The following UBE3C variants were observed in gnomAD, a reference collection of about 807,000 sequenced individuals.
UBE3C encodes the protein ubiquitin protein ligase E3C.
In UBE3C, 42 loss-of-function variants were observed where a neutral mutation model predicts 129.4. That is an observed-to-expected ratio of 0.32 (90% CI 0.25 to 0.42). UBE3C has a LOEUF of 0.42. Among genes scored for constraint, UBE3C ranks in the 10% least tolerant of loss-of-function variants. The probability of loss-of-function intolerance (pLI) is 1.00; values close to 1 mark genes in which losing one functional copy is unlikely to be tolerated. For missense variants in UBE3C, 1,049 were observed against 1,319.1 expected (o/e 0.80, Z 3.17); for synonymous variants, 510 against 492.4 (o/e 1.04, Z -0.47).
At chr7:157,146,074 T>C (rs2116794896) in intron 1 of UBE3C, among the ~76,000 whole-genome samples, 1 of 152,288 alleles carries the variant, frequency 6.6e-6, no homozygotes, top group East Asian at 1.9e-4. Context: ...CCATTTTGAG[T>C]TAATTTATGT....
rs1338885461 is a variant in UBE3C, at chr7:157,187,029, T to C, written c.1331+8T>C. On this transcript the variant is annotated splice_region_variant and intron_variant, in intron 10 of 22. Coordinates refer to ENST00000348165, the MANE Select transcript of UBE3C (RefSeq NM_014671.3). ...GATGGTACCCAAAGTCAGGCAAGTGTCCGTGGGCGTCTGTGCCAGGGGGTG... is the reference window on the plus strand; with the variant it reads ...GATGGTACCCAAAGTCAGGCAAGTGCCCGTGGGCGTCTGTGCCAGGGGGTG... 1 of 1,587,720 alleles carries C rather than the reference T, an allele frequency of 6.3e-7. No individual in the cohort carries two copies. Among genetic ancestry groups the C allele is most frequent in the South Asian group, 1.1e-5 (1 of 87,762 alleles).
rs112447085 is a variant in UBE3C at position 157,217,396 on chromosome 7, C to T, written c.1914+425C>T. Among the ~76,000 whole-genome samples the T allele has an allele frequency of 5.9e-3, 887 of 150,658 alleles. 12 individuals carry two copies. Among genetic ancestry groups the T allele is most frequent in the African/African-American group, 0.02 (805 of 41,118 alleles). On this transcript the variant is annotated intron_variant, in intron 14 of 22. Coordinates refer to ENST00000348165, the MANE Select transcript of UBE3C (RefSeq NM_014671.3). ...CAAACTCCCAGCCTGAAGTGATCTT[C>T]CTACCTTGGCCTCCCAAAGTGCTGG...
At chr7:157,190,703 G>C (rs1156664361) in intron 10 of UBE3C, among the ~76,000 whole-genome samples, 1 of 152,180 alleles carries the variant, frequency 6.6e-6, no homozygotes, top group African/African-American at 2.4e-5. Flanking sequence ...CTTGAACAGT[G>C]TAGACTCCCT....
chr7:157,197,632 G>A (rs542470713), intron 10 of UBE3C: 95 of 1,607,656 alleles, frequency 5.9e-5, no homozygotes, highest in Middle Eastern at 1.7e-4. Context: ...ACAGTGTTAA[G>A]AATATCTGCT....
At chr7:157,266,779 C>T (rs1797089492) in intron 22 of UBE3C, among the ~76,000 whole-genome samples, 1 of 152,206 alleles carries the variant, frequency 6.6e-6, no homozygotes, top group Non-Finnish European at 1.5e-5. Context: ...GTGTGTTGCC[C>T]AGGCTGGAGT....
intron 15 of UBE3C, chr7:157,222,329 A>G (rs1795759136): frequency 6.6e-6 from 1 of 151,904 alleles, no homozygotes; most frequent in Non-Finnish European, 1.5e-5. Flanking sequence ...TTAAATTTTG[A>G]TAGAATCCCA....
intron 18 of UBE3C, among the ~76,000 whole-genome samples, chr7:157,247,509 T>C (rs1424129036): frequency 1.3e-5 from 2 of 152,176 alleles, no homozygotes; most frequent in African/African-American, 4.8e-5. Flanking sequence ...CTGGCCAATA[T>C]GGCAAAACCC....
chr7:157,265,464 G>A (rs554492938), intron 22 of UBE3C, among the ~76,000 whole-genome samples: 57 of 152,362 alleles, frequency 3.7e-4, no homozygotes, highest in Non-Finnish European at 6.9e-4. Context: ...TTAAGTCTGC[G>A]TTGAGCAATC....
chr7:157,255,289 A>T (rs1216842369), intron 21 of UBE3C, among the ~76,000 whole-genome samples: 1 of 152,228 alleles, frequency 6.6e-6, no homozygotes, highest in African/African-American at 2.4e-5. Flanking sequence ...ATAACCCCAC[A>T]TACCCACTAG....
Position 157,254,189 on chromosome 7 carries a change from A to T in UBE3C, c.2883+47A>T, listed in dbSNP as rs372378915. On this transcript the variant is annotated intron_variant, in intron 20 of 22. Coordinates refer to ENST00000348165, the MANE Select transcript of UBE3C (RefSeq NM_014671.3). ...TGGGACACGCTTGTCACAGGAAATG[A>T]ACAGGCTTTCTTAAAATTTACCTCA... The T allele has an allele frequency of 7.0e-5, 113 of 1,608,326 alleles. 1 individual carries two copies. Among genetic ancestry groups the T allele is most frequent in the Non-Finnish European group, 9.4e-5 (111 of 1,178,426 alleles).
chr7:157,178,274 T>C (rs1051080033), intron 5 of UBE3C, among the ~76,000 whole-genome samples: 6 of 152,178 alleles, frequency 3.9e-5, no homozygotes, highest in African/African-American at 1.4e-4. Context: ...TTGGGGGATA[T>C]TGCAGGCGTG....
intron 1 of UBE3C, among the ~76,000 whole-genome samples, chr7:157,141,997 C>T (rs561796887): frequency 1.3e-5 from 2 of 152,350 alleles, no homozygotes; most frequent in Admixed American, 6.5e-5. Flanking sequence ...ACAGTTTCCC[C>T]GTGTCGCACG....
chr7:157,179,564 C>G (rs1808613760), intron 6 of UBE3C, among the ~76,000 whole-genome samples: 1 of 152,170 alleles, frequency 6.6e-6, no homozygotes, highest in African/African-American at 2.4e-5. Flanking sequence ...AACCTTTGGT[C>G]TCGACATCCT....
intron 13 of UBE3C, among the ~76,000 whole-genome samples, chr7:157,216,414 CAT>C (rs1298129663): frequency 1.3e-5 from 2 of 150,438 alleles, no homozygotes; most frequent in Admixed American, 1.3e-4. Context: ...CATAGATAAA[CAT>C]GTCATCGGAG....
intron 1 of UBE3C, among the ~76,000 whole-genome samples, chr7:157,160,536 C>A (rs1428641799): frequency 6.6e-6 from 1 of 152,094 alleles, no homozygotes; most frequent in East Asian, 1.9e-4. Flanking sequence ...AAGACTAACA[C>A]AATAGTTGAT....
In UBE3C at chr7:157,139,235, C is replaced by T. The variant is rs1586635115; in HGVS notation, c.-38C>T. 3.5e-6 allele frequency: 5 copies of T among 1,437,814 alleles called. No individual in the cohort carries two copies. The highest frequency in any genetic ancestry group is 3.7e-6 in the Non-Finnish European group (4 of 1,091,734). 89.1% of individuals were successfully genotyped at this position (1,437,814 alleles called of 1,614,324 possible). A position where few individuals can be genotyped will look rare whatever the true frequency, so the allele number is the denominator to read the frequency against. ...CGTGCCCCGCCCGCCCGGCTGCTTC[C>T]GCGGCGGCGCTGCCCGCACATGGGC... On this transcript the variant is annotated 5_prime_UTR_variant, in exon 1 of 23. Transcript: ENST00000348165.
chr7:157,181,112 G>T (rs1808654403), intron 6 of UBE3C, among the ~76,000 whole-genome samples: 1 of 152,224 alleles, frequency 6.6e-6, no homozygotes, highest in Non-Finnish European at 1.5e-5. Context: ...CCTTCCTGAT[G>T]CAAGCAAACT....
At chr7:157,210,643 AT>A (rs1809564837) in intron 13 of UBE3C, among the ~76,000 whole-genome samples, 1 of 152,216 alleles carries the variant, frequency 6.6e-6, no homozygotes, top group South Asian at 2.1e-4. Flanking sequence ...TTGTATCAGC[AT>A]TTTTCATATT....
intron 18 of UBE3C, among the ~76,000 whole-genome samples, chr7:157,241,539 C>T (rs1431985116): frequency 6.6e-6 from 1 of 152,322 alleles, no homozygotes; most frequent in South Asian, 2.1e-4. Flanking sequence ...GCGAGTACGG[C>T]GGGAATCAAA....
Sources: allele counts gnomAD v4.1 joint callset (sites outside exome capture counted in the v4.1 genomes callset), GRCh38; gene constraint gnomAD v4.1.1; transcripts MANE v1.5; gene names NCBI Gene and HGNC (gene_info 2026-07-23, HGNC 2026-07-21).